Variants in PYGO1 observed in about 807,000 individuals in gnomAD.
PYGO1 encodes pygopus homolog 1.
Under a neutral mutation model 29.5 loss-of-function variants are expected in PYGO1, and 6 were observed. The observed-to-expected ratio is 0.20, with a 90% CI of 0.11 to 0.40. The LOEUF (loss-of-function observed/expected upper bound fraction) is 0.40. PYGO1 is among the 10% of genes least tolerant of loss of function. PYGO1 has a pLI of 1.00. For synonymous variants in PYGO1, 186 were observed against 180.5 expected, an observed-to-expected ratio of 1.03 and a Z score of -0.24; for missense variants, 515 against 514.9, an observed-to-expected ratio of 1.00 and a Z score of 0.00.
chr15:55,568,320 C>CTGTGTGTGTGTGTGTGTGTGTGTG (rs58177433), intron 1 of PYGO1, among the ~76,000 whole-genome samples: 37 of 125,910 alleles, frequency 2.9e-4, no homozygotes, highest in East Asian at 9.5e-4. Context: ...TTCCTAGGTA[C>CTGTGTGTGTGTGTGTGTGTGTGTG]TGTGTGTGTG....
chr15:55,580,997 T>G (rs1376818454), intron 1 of PYGO1, among the ~76,000 whole-genome samples: 1 of 152,194 alleles, frequency 6.6e-6, no homozygotes, highest in East Asian at 1.9e-4. Context: ...TGTGGAAGTA[T>G]AAAATAAATA....
chr15:55,574,648 ATGTGTGTG>A (rs56305536), intron 1 of PYGO1, among the ~76,000 whole-genome samples: 8,254 of 150,854 alleles, frequency 0.055, 274 homozygotes, highest in Non-Finnish European at 0.068. Context: ...TATACTGTAT[ATGTGTGTG>A]TGTGTGTGTG....
rs1364906693 is a variant in PYGO1, at chr15:55,546,178, G to A, written c.1105C>T (p.Arg369Trp). The A allele has an allele frequency of 3.7e-6, 6 of 1,614,126 alleles. No individual in the cohort carries two copies. The highest frequency in any genetic ancestry group is 2.2e-5 in the East Asian group (1 of 44,886). The change falls in exon 3 of 3, where the codon CGG (arginine) becomes TGG (tryptophan). Residue 369 changes from arginine to tryptophan, a missense_variant. Physicochemically the swap from Arg to Trp is moderately radical, Grantham distance 101. Coordinates refer to ENST00000563719, the MANE Select transcript of PYGO1 (RefSeq NM_001367806.1). The stretch of plus-strand genomic sequence containing the variant: ...GTTTCAGTCATTCCAGTACAGATCC[G>A]ATGAAACCATTTCTGACAAGAGGCC... ...CEASCQKWFH[R>W]ICTGMTETAY...
intron 1 of PYGO1, among the ~76,000 whole-genome samples, chr15:55,555,724 C>A (rs2058901595): frequency 6.6e-6 from 1 of 151,954 alleles, no homozygotes; most frequent in South Asian, 2.1e-4. Context: ...AATTAAAAGG[C>A]ACAGAATGGC....
intron 1 of PYGO1, among the ~76,000 whole-genome samples, chr15:55,571,392 T>G (rs2058979415): frequency 6.6e-6 from 1 of 152,222 alleles, no homozygotes; most frequent in African/African-American, 2.4e-5. Flanking sequence ...GTGAAATTGT[T>G]GGAGAGTTTA....
At chr15:55,554,593 T>G (rs2058895534) in intron 1 of PYGO1, among the ~76,000 whole-genome samples, 2 of 151,874 alleles carry the variant, frequency 1.3e-5, no homozygotes, top group African/African-American at 2.4e-5. Context: ...AGGAGCATGC[T>G]GTAACCCAAT....
In PYGO1 at chr15:55,588,161, C is replaced by T. The variant is rs1252198349; in HGVS notation, c.-278G>A. ...CCTGGGGGCGGCCCCCCACCCGGGG[C>T]CGGCATGTGCTGAGGGCGAGTGCGC... On this transcript the variant is annotated 5_prime_UTR_variant, in exon 1 of 3. Coordinates refer to ENST00000563719, the MANE Select transcript of PYGO1 (RefSeq NM_001367806.1). 1 of 535,602 alleles carries T rather than the reference C, an allele frequency of 1.9e-6. No homozygotes were observed. Among genetic ancestry groups the T allele is most frequent in the Non-Finnish European group, 2.4e-6 (1 of 421,156 alleles). 33.2% of individuals were successfully genotyped at this position (535,602 alleles called of 1,614,324 possible). A position where few individuals can be genotyped will look rare whatever the true frequency, so the allele number is the denominator to read the frequency against.
intron 1 of PYGO1, among the ~76,000 whole-genome samples, chr15:55,569,458 C>T (rs796660584): frequency 6.6e-6 from 1 of 152,060 alleles, no homozygotes; most frequent in African/African-American, 2.4e-5. Flanking sequence ...GCCACTGCAT[C>T]CCAGATATTT....
chr15:55,566,406 C>T (rs1186939527), intron 1 of PYGO1, among the ~76,000 whole-genome samples: 2 of 150,784 alleles, frequency 1.3e-5, no homozygotes, highest in African/African-American at 2.4e-5. Context: ...AAAAAGATTT[C>T]ATTCTTTTTT....
chr15:55,588,966 T>G, upstream of PYGO1: 1 of 868,126 alleles, frequency 1.2e-6, no homozygotes, highest in Non-Finnish European at 1.8e-6. Flanking sequence ...AAGAGCGACG[T>G]AGAATAAATA....
chr15:55,541,679 T>C lies in PYGO1; in HGVS notation c.*4344A>G, dbSNP rs1279448789. ...AGGATTTCTGATGGGAGGAAAGATATAAAATGTTGAAGCACAGAGCACCCA... is the reference window on the plus strand; with the variant it reads ...AGGATTTCTGATGGGAGGAAAGATACAAAATGTTGAAGCACAGAGCACCCA... On this transcript the variant is annotated 3_prime_UTR_variant, in exon 3 of 3. Coordinates refer to ENST00000563719, the MANE Select transcript of PYGO1 (RefSeq NM_001367806.1). 1 of 152,166 alleles carries C rather than the reference T, an allele frequency of 6.6e-6. No individual in the cohort carries two copies. 9.4% of individuals were successfully genotyped at this position (152,166 alleles called of 1,614,324 possible).
At chr15:55,577,239 G>A (rs1471381754) in intron 1 of PYGO1, among the ~76,000 whole-genome samples, 2 of 152,116 alleles carry the variant, frequency 1.3e-5, no homozygotes, top group Non-Finnish European at 2.9e-5. Context: ...GGCTGATCAA[G>A]GATTCAAAAG....
intron 1 of PYGO1, among the ~76,000 whole-genome samples, chr15:55,558,467 G>C (rs1381077970): frequency 6.6e-6 from 1 of 152,032 alleles, no homozygotes; most frequent in Non-Finnish European, 1.5e-5. Context: ...AGCTACCAAT[G>C]ACTTTCTTCA....
chr15:55,560,227 T>C (rs1302367254), intron 1 of PYGO1, among the ~76,000 whole-genome samples: 2 of 152,114 alleles, frequency 1.3e-5, no homozygotes, highest in African/African-American at 2.4e-5. Flanking sequence ...TCAAATAGGA[T>C]GATAATAAGT....
chr15:55,558,352 C>T (rs1263500435), intron 1 of PYGO1, among the ~76,000 whole-genome samples: 1 of 151,710 alleles, frequency 6.6e-6, no homozygotes, highest in Non-Finnish European at 1.5e-5. Context: ...AAAGAGGATA[C>T]AAACAAATGG....
chr15:55,552,837 A>G (rs1437181972), intron 1 of PYGO1, among the ~76,000 whole-genome samples: 2 of 152,196 alleles, frequency 1.3e-5, no homozygotes, highest in Non-Finnish European at 2.9e-5. Flanking sequence ...GCAAGGCAAA[A>G]GATCCACCCA....
rs760666619 is a variant in PYGO1, at chr15:55,545,993, A to C, written c.*30T>G. 1.3e-6 allele frequency: 2 copies of C among 1,550,298 alleles called. No individual in the cohort carries two copies. Among genetic ancestry groups the C allele is most frequent in the East Asian group, 4.5e-5 (2 of 44,050 alleles). ...CAATGAACTTCTGCAATGCACAGGA[A>C]AATAAACCCACTTTAGTTAATGCCT... is the stretch of plus-strand genomic sequence containing the variant. On this transcript the variant is annotated 3_prime_UTR_variant, in exon 3 of 3. Transcript: ENST00000563719.
chr15:55,587,904 TC>T lies in PYGO1; in HGVS notation c.-22del, dbSNP rs756345170. On this transcript the variant is annotated 5_prime_UTR_variant, in exon 1 of 3. Coordinates refer to ENST00000563719, the MANE Select transcript of PYGO1 (RefSeq NM_001367806.1). Reference sequence around the variant, plus strand: ...GACATTACAGACCGCAAAGCATGACTCCCCCCCAGGCCGCGGGAATTCGGTC... The same window carrying T: ...GACATTACAGACCGCAAAGCATGACTCCCCCCAGGCCGCGGGAATTCGGTC... 165 of 1,458,600 alleles carry T rather than the reference TC, an allele frequency of 1.1e-4. 1 individual carries two copies. The highest frequency in any genetic ancestry group is 8.2e-4 in the East Asian group (28 of 33,960). 90.4% of individuals were successfully genotyped at this position (1,458,600 alleles called of 1,614,324 possible). A position where few individuals can be genotyped will look rare whatever the true frequency, so the allele number is the denominator to read the frequency against.
chr15:55,549,340 T>C (rs946555742), intron 1 of PYGO1, among the ~76,000 whole-genome samples: 5 of 152,170 alleles, frequency 3.3e-5, no homozygotes, highest in African/African-American at 9.7e-5. Context: ...AAGTATATTA[T>C]TATTATTTTT....
Sources: gnomAD v4.1 joint callset for allele counts (sites outside exome capture counted in the v4.1 genomes callset) on GRCh38, gnomAD v4.1.1 for gene constraint, MANE v1.5 for transcripts, NCBI Gene and HGNC (gene_info 2026-07-23, HGNC 2026-07-21) for gene names.